GRIN2A: variants seen among roughly 807,000 people sequenced by gnomAD.
GRIN2A encodes glutamate ionotropic receptor NMDA type subunit 2A.
In GRIN2A, 22 loss-of-function variants were observed where a neutral mutation model predicts 113.4. The observed-to-expected ratio is 0.19, with a 90% confidence interval of 0.14 to 0.28. The LOEUF (loss-of-function observed/expected upper bound fraction) is 0.28, where lower values mean the gene tolerates loss of function less well. GRIN2A is among the 10% of genes least tolerant of loss of function. The pLI, the probability that GRIN2A is intolerant of heterozygous loss-of-function variation, is 1.00. For missense variants in GRIN2A, 1,502 were observed against 1,887.0 expected (o/e 0.80, Z 3.78); for synonymous variants, 827 against 738.4 (o/e 1.12, Z -1.94).
At position 9,905,907 on chromosome 16, in the gene GRIN2A, T is replaced by C. The variant is rs557263147; in HGVS notation, c.1008-14807A>G. Among the ~76,000 whole-genome samples, 9 of 152,342 alleles carry C rather than the reference T, an allele frequency of 5.9e-5. No homozygotes were observed. The East Asian group carries it at 1.4e-3, about 23-fold the overall frequency. On this transcript the variant is annotated intron_variant, in intron 3 of 12. Transcript: ENST00000330684. ...CGTCGAGGAATGTTGCCTCACCTTA[T>C]GACCTTTCCAAGATTAGTTGCTCAA...
At chr16:10,058,759 T>G (rs2047499156) in intron 2 of GRIN2A, among the ~76,000 whole-genome samples, 1 of 152,240 alleles carries the variant, frequency 6.6e-6, no homozygotes, top group South Asian at 2.1e-4. Flanking sequence ...ACTCGCTCAT[T>G]CATCCCCCAA....
intron 10 of GRIN2A, among the ~76,000 whole-genome samples, chr16:9,799,748 T>A (rs1452914123): frequency 1.3e-5 from 2 of 152,242 alleles, no homozygotes; most frequent in Non-Finnish European, 2.9e-5. Context: ...TCCATGTGAA[T>A]ACACATAGCA....
chr16:9,915,592 G>A (rs1301179058), intron 3 of GRIN2A, among the ~76,000 whole-genome samples: 4 of 152,078 alleles, frequency 2.6e-5, no homozygotes, highest in African/African-American at 9.7e-5. Context: ...GGTAAGAGAT[G>A]GGACTCACAA....
In GRIN2A at chr16:9,760,753, C is replaced by T. The variant is rs113138480; in HGVS notation, c.*2396G>A. On this transcript the variant is annotated 3_prime_UTR_variant, in exon 13 of 13. Transcript: ENST00000330684. Reference sequence around the variant, plus strand: ...AAGACAGAAAGCCTCTTTGGCTTGACGACAAATCACTCTTCTGTATTCTGG... The same window carrying T: ...AAGACAGAAAGCCTCTTTGGCTTGATGACAAATCACTCTTCTGTATTCTGG... 4.2e-3 allele frequency: 958 copies of T among 229,036 alleles called. 7 individuals are homozygous for T. Among genetic ancestry groups the T allele is most frequent in the African/African-American group, 0.02 (883 of 45,176 alleles). 14.2% of individuals were successfully genotyped at this position (229,036 alleles called of 1,614,324 possible).
intron 2 of GRIN2A, among the ~76,000 whole-genome samples, chr16:9,957,996 C>T (rs904927430): frequency 1.3e-5 from 2 of 152,182 alleles, no homozygotes; most frequent in Non-Finnish European, 2.9e-5. Flanking sequence ...AGTCTTTCCT[C>T]TCAGTTATAC....
In GRIN2A at chr16:10,180,367, A is replaced by G; in HGVS notation, c.45T>C (p.Leu15=). The G allele has an allele frequency of 6.2e-7, 1 of 1,608,076 alleles. No individual in the cohort carries two copies. The highest frequency in any genetic ancestry group is 1.7e-5 in the Admixed American group (1 of 59,998). Residue 15 remains leucine, a synonymous_variant, in exon 2 of 13, where the codon CTT becomes CTC. Coordinates refer to ENST00000330684, the MANE Select transcript of GRIN2A (RefSeq NM_001134407.3). This position sits in a 1 kb window ranked among gnomAD's most constrained non-coding sequence, Gnocchi z 7.0. Reference sequence around the variant, plus strand: ...TCGGCGCCGGACCGCGCCAGACCAGAAGGGCCGGCAGCACCAGCAGGGTCC... The same window carrying G: ...TCGGCGCCGGACCGCGCCAGACCAGGAGGGCCGGCAGCACCAGCAGGGTCC... ...GYWTLLVLPA[L]LVWRGPAPSA...
chr16:9,966,188 G>C (rs1229385088), intron 2 of GRIN2A, among the ~76,000 whole-genome samples: 4 of 152,092 alleles, frequency 2.6e-5, no homozygotes, highest in African/African-American at 4.8e-5. Flanking sequence ...GTGCCATGGG[G>C]GTTTGTTGTA....
At chr16:9,873,301 T>A (rs977169156) in intron 4 of GRIN2A, among the ~76,000 whole-genome samples, 2 of 152,144 alleles carry the variant, frequency 1.3e-5, no homozygotes, top group Non-Finnish European at 2.9e-5. Flanking sequence ...CACTATACAA[T>A]CTATGCATGT....
chr16:10,169,570 T>C (rs972663070), intron 2 of GRIN2A, among the ~76,000 whole-genome samples: 7 of 152,110 alleles, frequency 4.6e-5, no homozygotes, highest in African/African-American at 1.7e-4. Flanking sequence ...GGTGAAGGTG[T>C]GATGGCTGGA....
At position 10,180,316 on chromosome 16, in the gene GRIN2A, G is replaced by A. The variant is rs776530090; in HGVS notation, c.96C>T (p.Pro32=). ...CCAGCATCACCGCAATATTTAGCGC[G>A]GGGGGACCCTTCTCCGCCGCCGCGC... The part of the protein sequence containing the change: ...APSAAAEKGP[P]ALNIAVMLGH... The change falls in exon 2 of 13, where the codon CCC becomes CCT. Residue 32 remains proline, a synonymous_variant. Transcript: ENST00000330684. This position sits in a 1 kb window ranked among gnomAD's most constrained non-coding sequence, Gnocchi z 7.0. 3 of 1,610,876 alleles carry A rather than the reference G, an allele frequency of 1.9e-6. No homozygotes were observed. The highest frequency in any genetic ancestry group is 2.5e-6 in the Non-Finnish European group (3 of 1,179,928).
chr16:10,034,491 C>A (rs2046987469), intron 2 of GRIN2A, among the ~76,000 whole-genome samples: 1 of 143,620 alleles, frequency 7.0e-6, no homozygotes. Context: ...TGTCACTGCA[C>A]CCCAGGCTGG....
chr16:10,012,614 C>A (rs2046528501), intron 2 of GRIN2A, among the ~76,000 whole-genome samples: 1 of 152,148 alleles, frequency 6.6e-6, no homozygotes, highest in African/African-American at 2.4e-5. Context: ...CCTTACATGG[C>A]AAAAGGGACT....
At chr16:9,919,573 A>G (rs979441380) in intron 3 of GRIN2A, among the ~76,000 whole-genome samples, 4 of 152,198 alleles carry the variant, frequency 2.6e-5, no homozygotes, top group African/African-American at 9.7e-5. Context: ...CCCTAGGAAA[A>G]GCTGGTGTCT....
intron 2 of GRIN2A, among the ~76,000 whole-genome samples, chr16:9,978,657 T>A (rs1171901055): frequency 1.3e-5 from 2 of 152,200 alleles, no homozygotes; most frequent in African/African-American, 4.8e-5. Flanking sequence ...ATGAAAATGA[T>A]CACTGCCAGT....
At chr16:9,868,326 G>T (rs1336280207) in intron 4 of GRIN2A, among the ~76,000 whole-genome samples, 2 of 152,120 alleles carry the variant, frequency 1.3e-5, no homozygotes, top group Admixed American at 6.6e-5. Context: ...GGATGCAGTG[G>T]CACTATCTCA....
chr16:10,072,383 C>G (rs1051825887), intron 2 of GRIN2A, among the ~76,000 whole-genome samples: 1 of 152,174 alleles, frequency 6.6e-6, no homozygotes, highest in Non-Finnish European at 1.5e-5. Flanking sequence ...CAAAGAGAAA[C>G]AAGTACCTAC....
chr16:9,876,435 T>C (rs1458457565), intron 4 of GRIN2A, among the ~76,000 whole-genome samples: 2 of 152,140 alleles, frequency 1.3e-5, no homozygotes, highest in Non-Finnish European at 2.9e-5. Flanking sequence ...CTTTGTTTGA[T>C]CACCAATAAA....
chr16:10,084,257 C>T (rs762953561), intron 2 of GRIN2A, among the ~76,000 whole-genome samples: 2 of 152,206 alleles, frequency 1.3e-5, no homozygotes, highest in Non-Finnish European at 2.9e-5. Flanking sequence ...GTTGTGCCAG[C>T]CCCTTGAATA....
At chr16:10,142,468 A>G (rs2049346823) in intron 2 of GRIN2A, among the ~76,000 whole-genome samples, 1 of 152,222 alleles carries the variant, frequency 6.6e-6, no homozygotes, top group Non-Finnish European at 1.5e-5. Context: ...AGGTCAAGGC[A>G]GGAGGATCAA....
Sources: gnomAD v4.1 joint callset for allele counts (sites outside exome capture counted in the v4.1 genomes callset) on GRCh38, gnomAD v4.1.1 for gene constraint, Gnocchi (gnomAD v3.1) non-coding constraint, MANE v1.5 for transcripts, NCBI Gene and HGNC (gene_info 2026-07-23, HGNC 2026-07-21) for gene names.